The following DRICH1 variants were observed in gnomAD, a reference collection of about 807,000 sequenced individuals.
DRICH1 encodes aspartate-rich protein 1.
DRICH1 carries 38 observed loss-of-function variants against 39.5 expected under a neutral mutation model. The ratio of observed to expected loss-of-function variants is 0.96; its 90% CI spans 0.74 to 1.26. The LOEUF (loss-of-function observed/expected upper bound fraction) is 1.26. DRICH1 is among the 50% of genes most tolerant of loss of function. DRICH1 has a pLI of 0.00. For missense variants in DRICH1, 279 were observed against 270.4 expected (o/e 1.03, Z -0.22); for synonymous variants, 84 against 99.5 (o/e 0.84, Z 0.93).
the DRICH1 span, among the ~76,000 whole-genome samples, chr22:23,594,865 C>G: frequency 6.6e-6 from 1 of 151,852 alleles, no homozygotes; most frequent in East Asian, 1.9e-4. Flanking sequence ...ACCTCCCAAT[C>G]ACACAGACAT....
At chr22:23,613,573 A>T in intron 10 of DRICH1, 66 bp downstream of exon 10, 1 of 1,254,378 alleles carries the variant, frequency 8.0e-7, no homozygotes, top group Non-Finnish European at 1.2e-6. Flanking sequence ...CCCCAGAATC[A>T]GGTTTCTATA....
chr22:23,604,286 C>T (rs183698588), downstream of DRICH1, among the ~76,000 whole-genome samples: 111 of 152,180 alleles, frequency 7.3e-4, no homozygotes, highest in African/African-American at 2.1e-3. Flanking sequence ...CCCTGTGGGC[C>T]GCCTGGAGCT....
At chr22:23,605,837 T>C (rs1157916189), downstream of DRICH1, among the ~76,000 whole-genome samples, 1 of 152,044 alleles carries the variant, frequency 6.6e-6, no homozygotes, top group Non-Finnish European at 1.5e-5. Context: ...TCCCAGCACT[T>C]TGGGAGGCCG....
chr22:23,610,576 G>C (rs1288675908), intron 11 of DRICH1: 1 of 152,278 alleles, frequency 6.6e-6, no homozygotes, highest in Admixed American at 6.5e-5. Flanking sequence ...TGCTGTCACT[G>C]AACTGACTGC....
the DRICH1 span, among the ~76,000 whole-genome samples, chr22:23,585,582 A>G: frequency 3.3e-5 from 5 of 152,106 alleles, no homozygotes; most frequent in African/African-American, 1.2e-4. Flanking sequence ...CAGTAGTGTA[A>G]TCATGGCTCA....
At chr22:23,615,541 A>G (rs555954728) in intron 8 of DRICH1, among the ~76,000 whole-genome samples, 1 of 152,366 alleles carries the variant, frequency 6.6e-6, no homozygotes, top group African/African-American at 2.4e-5. Flanking sequence ...GGCATCCTGT[A>G]TTCATGGATA....
chr22:23,600,827 C>T, the DRICH1 span, among the ~76,000 whole-genome samples: 1 of 152,052 alleles, frequency 6.6e-6, no homozygotes, highest in African/African-American at 2.4e-5. Context: ...CACCCGCCAC[C>T]ATGACCAGCT....
rs56354772 is a variant in DRICH1, at chr22:23,617,808, G to GAAGA, written c.437-152_437-151insTCTT. 5 of 762,264 alleles carry GAAGA rather than the reference G, an allele frequency of 6.6e-6. No individual in the cohort carries two copies. The South Asian group carries it at 7.7e-5, about 12-fold the overall frequency. 47.2% of individuals were successfully genotyped at this position (762,264 alleles called of 1,614,324 possible). A position where few individuals can be genotyped will look rare whatever the true frequency, so the allele number is the denominator to read the frequency against. On this transcript the variant is annotated intron_variant, in intron 6 of 11. Coordinates refer to ENST00000317749, the MANE Select transcript of DRICH1 (RefSeq NM_016449.4). Reference sequence around the variant, plus strand: ...GAGGGATGGCAGAGGAGGGGAGCAGGCATGAGGCATGGAGGCCTTGGCCTT... The same window carrying GAAGA: ...GAGGGATGGCAGAGGAGGGGAGCAGGAAGACATGAGGCATGGAGGCCTTGGCCTT...
At chr22:23,609,793 C>T (rs1400173391) in intron 11 of DRICH1, among the ~76,000 whole-genome samples, 1 of 152,200 alleles carries the variant, frequency 6.6e-6, no homozygotes, top group Non-Finnish European at 1.5e-5. Flanking sequence ...GCTCACCTCT[C>T]CCTCAAGGCC....
At chr22:23,625,019 A>G in intron 2 of DRICH1, 115 bp from the exon 3 acceptor site, 1 of 1,187,474 alleles carries the variant, frequency 8.4e-7, no homozygotes, top group Non-Finnish European at 1.2e-6. Flanking sequence ...ACAGTGGTTG[A>G]GTCCATGTCA....
the DRICH1 span, among the ~76,000 whole-genome samples, chr22:23,599,199 C>T: frequency 1.3e-4 from 20 of 152,222 alleles, no homozygotes; most frequent in Admixed American, 9.8e-4. Context: ...TTATTCTCAG[C>T]CTTGTTCCCT....
At chr22:23,608,799 G>C (rs1926876450) in intron 11 of DRICH1, 31 bp from the exon 12 acceptor site, 10 of 1,556,134 alleles carry the variant, frequency 6.4e-6, no homozygotes, top group African/African-American at 1.4e-5. Context: ...TTTTTAGTGA[G>C]AGCAGGCTCC....
intron 3 of DRICH1, among the ~76,000 whole-genome samples, chr22:23,624,506 G>T (rs537154147): frequency 6.6e-6 from 1 of 152,176 alleles, no homozygotes; most frequent in African/African-American, 2.4e-5. Flanking sequence ...TAACATGAAG[G>T]TTCTTGTAAA....
At chr22:23,613,438 C>G in intron 10 of DRICH1, 108 bp from the exon 11 acceptor site, 1 of 993,718 alleles carries the variant, frequency 1.0e-6, no homozygotes, top group East Asian at 2.4e-5. Flanking sequence ...CCACTCCATG[C>G]TGCTTCATAC....
At chr22:23,590,806 AT>A in the DRICH1 span, among the ~76,000 whole-genome samples, 34 of 151,812 alleles carry the variant, frequency 2.2e-4, no homozygotes, top group African/African-American at 8.2e-4. Context: ...ATATCTAGAG[AT>A]GGGGGTTCAC....
upstream of DRICH1, chr22:23,632,683 G>GGC (rs1555910835): frequency 3.9e-5 from 6 of 152,638 alleles, 1 homozygote; most frequent in African/African-American, 1.2e-4. Flanking sequence ...TGAGCGGGGG[G>GGC]GGTGGATCAC....
chr22:23,591,193 C>T, the DRICH1 span, among the ~76,000 whole-genome samples: 10 of 152,278 alleles, frequency 6.6e-5, no homozygotes, highest in South Asian at 4.2e-4. Flanking sequence ...TTCAGGCCTG[C>T]GGAATGGTTG....
chr22:23,608,098 G>A (rs1926836734), downstream of DRICH1: 1 of 152,790 alleles, frequency 6.5e-6, no homozygotes, highest in Non-Finnish European at 1.5e-5. Flanking sequence ...GGTGAGAGGG[G>A]GTGAGAAGAG....
At chr22:23,603,735 C>A (rs908143570), downstream of DRICH1, among the ~76,000 whole-genome samples, 7 of 152,134 alleles carry the variant, frequency 4.6e-5, no homozygotes, top group Non-Finnish European at 1.0e-4. Context: ...CCCTTTATTG[C>A]TCCAAAAATG....
Sources: gnomAD v4.1 joint callset for allele counts (sites outside exome capture counted in the v4.1 genomes callset) on GRCh38, gnomAD v4.1.1 for gene constraint, MANE v1.5 for transcripts, NCBI Gene and HGNC (gene_info 2026-07-23, HGNC 2026-07-21) for gene names.